PARG: variants seen among roughly 807,000 people sequenced by gnomAD.
PARG encodes poly(ADP-ribose) glycohydrolase, also known as mitochondrial poly(ADP-ribose) glycohydrolase.
In PARG, 35 loss-of-function variants were observed where a neutral mutation model predicts 113.0. That is an observed-to-expected ratio of 0.31 (90% CI 0.24 to 0.41). PARG has a LOEUF of 0.41. PARG is among the 10% of genes least tolerant of loss of function. PARG has a pLI of 1.00. For missense variants in PARG, 797 were observed against 1,169.4 expected (o/e 0.68, Z 4.64); for synonymous variants, 330 against 409.9 (o/e 0.81, Z 2.36).
intron 1 of PARG, among the ~76,000 whole-genome samples, chr10:49,937,383 G>A (rs1838800762): frequency 6.6e-6 from 1 of 151,918 alleles, no homozygotes; most frequent in Non-Finnish European, 1.5e-5. Context: ...GGCTGAGGCA[G>A]GAGAATGGCG....
rs549487582 is a variant in PARG at position 49,824,204 on chromosome 10, T to C, written c.2648-3911A>G. ...TACATAAATGAAATTTCCAGAAAGA[T>C]AATCTCGATCCTAGATACATCAGTA... is the stretch of plus-strand genomic sequence containing the variant. On this transcript the variant is annotated intron_variant, in intron 16 of 17. Coordinates refer to ENST00000616448, the MANE Select transcript of PARG (RefSeq NM_003631.5). 2.6e-5 allele frequency among the ~76,000 whole-genome samples: 4 copies of C among 152,344 alleles called. No homozygotes were observed. The South Asian group carries it at 8.3e-4, about 32-fold the overall frequency.
chr10:49,833,083 T>C, intron 15 of PARG, 175 bp from the exon 16 acceptor site: 1 of 439,298 alleles, frequency 2.3e-6, no homozygotes. Context: ...GAGAAAAACC[T>C]GGGATTATGC....
At position 49,885,226 on chromosome 10, in the gene PARG, A is replaced by T; in HGVS notation, c.1807T>A (p.Cys603Ser). ...ILPDMVKIAL[C>S]LPNICTQPIP... is the part of the protein sequence containing the mutation. ...ACCTGGGTGCAAATATTTGGCAGAC[A>T]GAGTGCAATTTTCACCATATCAGGC... The change falls in exon 8 of 18, where the codon TGT (cysteine) becomes AGT (serine). Residue 603 changes from cysteine to serine, a missense_variant. Coordinates refer to ENST00000616448, the MANE Select transcript of PARG (RefSeq NM_003631.5). The T allele has an allele frequency of 2.5e-6, 4 of 1,597,048 alleles. No individual in the cohort carries two copies. The highest frequency in any genetic ancestry group is 3.4e-6 in the Non-Finnish European group (4 of 1,166,278).
At chr10:49,838,162 G>C (rs1221445689) in intron 15 of PARG, among the ~76,000 whole-genome samples, 4 of 152,184 alleles carry the variant, frequency 2.6e-5, no homozygotes, top group African/African-American at 7.2e-5. Flanking sequence ...TGGGCGCAGT[G>C]CCTCACGCCT....
intron 7 of PARG, among the ~76,000 whole-genome samples, chr10:49,896,850 T>C (rs567090621): frequency 2.6e-5 from 4 of 152,310 alleles, no homozygotes; most frequent in Admixed American, 6.5e-5. Flanking sequence ...CCTCCTCTCT[T>C]ATTTGAGTTT....
At chr10:49,935,608 A>G (rs1838704115) in intron 1 of PARG, among the ~76,000 whole-genome samples, 1 of 152,332 alleles carries the variant, frequency 6.6e-6, no homozygotes, top group East Asian at 1.9e-4. Context: ...TTATTAAAAG[A>G]GGTCCTGATA....
At chr10:49,878,772 G>T (rs1387410581) in intron 9 of PARG, among the ~76,000 whole-genome samples, 1 of 152,006 alleles carries the variant, frequency 6.6e-6, no homozygotes, top group African/African-American at 2.4e-5. Flanking sequence ...CAGGCTCTGG[G>T]TGACCAGAGG....
At chr10:49,936,102 A>G (rs1370550639) in intron 1 of PARG, among the ~76,000 whole-genome samples, 4 of 152,278 alleles carry the variant, frequency 2.6e-5, no homozygotes, top group Admixed American at 1.3e-4. Flanking sequence ...ATATGTGAGT[A>G]GGATGAAGGC....
Position 49,885,251 on chromosome 10 carries a change from C to T in PARG, c.1782G>A (p.Leu594=). Residue 594 remains leucine (L), a synonymous_variant, in exon 8 of 18, where the codon TTG becomes TTA. Coordinates refer to ENST00000616448, the MANE Select transcript of PARG (RefSeq NM_003631.5). The part of the protein sequence containing the change: ...AEAQHLYQSI[L]PDMVKIALCL... Reference sequence around the variant, plus strand: ...AGAGTGCAATTTTCACCATATCAGGCAAGATGGACTGATATAAATGTTGAG... The same window carrying T: ...AGAGTGCAATTTTCACCATATCAGGTAAGATGGACTGATATAAATGTTGAG... 6.2e-7 allele frequency: 1 copy of T among 1,609,782 alleles called. No homozygotes were observed. The highest frequency in any genetic ancestry group is 8.5e-7 in the Non-Finnish European group (1 of 1,177,890).
At chr10:49,929,580 C>A (rs1838386386) in intron 4 of PARG, among the ~76,000 whole-genome samples, 1 of 152,248 alleles carries the variant, frequency 6.6e-6, no homozygotes, top group Admixed American at 6.5e-5. Context: ...GTAATCCCAG[C>A]ACTTTGGAAG....
At position 49,941,687 on chromosome 10, in the gene PARG, T is replaced by A. The variant is rs1589021204; in HGVS notation, c.39A>T (p.Arg13=). The stretch of plus-strand genomic sequence containing the variant: ...AAGTTGTAGCGGCGCCCCAGCGGGG[T>A]CGCTTGGTGCAGGGTTCACAGCCGG... ...AGPGCEPCTK[R]PRWGAATTSP... Residue 13 remains arginine, a synonymous_variant, in exon 1 of 18, where the codon CGA becomes CGT. Transcript: ENST00000616448. 3 of 1,591,114 alleles carry A rather than the reference T, an allele frequency of 1.9e-6. No individual in the cohort carries two copies. The African/African-American group carries it at 4.0e-5, about 21-fold the overall frequency.
intron 14 of PARG, among the ~76,000 whole-genome samples, chr10:49,843,268 C>T (rs1458537222): frequency 2.0e-5 from 3 of 152,182 alleles, no homozygotes; most frequent in Non-Finnish European, 4.4e-5. Context: ...GGAATTTAAC[C>T]TCCACGGTTT....
At chr10:49,856,460 A>C (rs1407687199) in intron 13 of PARG, among the ~76,000 whole-genome samples, 2 of 152,216 alleles carry the variant, frequency 1.3e-5, no homozygotes, top group Admixed American at 6.5e-5. Flanking sequence ...GATTACAGGC[A>C]TGAACTATCG....
intron 14 of PARG, among the ~76,000 whole-genome samples, chr10:49,842,369 G>C (rs1255589889): frequency 2.6e-5 from 4 of 152,168 alleles, no homozygotes; most frequent in Admixed American, 2.0e-4. Context: ...GCAAACAAAA[G>C]GAATCTAGTT....
chr10:49,864,974 T>C (rs549693930), intron 11 of PARG, among the ~76,000 whole-genome samples: 1 of 141,840 alleles, frequency 7.1e-6, no homozygotes, highest in East Asian at 2.0e-4. Flanking sequence ...GTTCAAACAC[T>C]AACCAAAAAA....
intron 13 of PARG, among the ~76,000 whole-genome samples, chr10:49,844,339 C>T (rs577000076): frequency 6.6e-6 from 1 of 150,846 alleles, no homozygotes; most frequent in South Asian, 2.1e-4. Flanking sequence ...GAAGACACTA[C>T]TGGCCAGGTG....
chr10:49,889,505 A>G (rs760786334), intron 7 of PARG, among the ~76,000 whole-genome samples: 4 of 152,098 alleles, frequency 2.6e-5, no homozygotes, highest in Non-Finnish European at 5.9e-5. Flanking sequence ...CTTTACTGAT[A>G]CCACTTTGGT....
At chr10:49,889,059 G>GTTTT (rs61640355) in intron 7 of PARG, among the ~76,000 whole-genome samples, 1 of 143,012 alleles carries the variant, frequency 7.0e-6, no homozygotes, top group African/African-American at 2.6e-5. Flanking sequence ...TCTCTGGATA[G>GTTTT]TTTTTTTTTT....
chr10:49,843,720 T>C, intron 13 of PARG, 88 bp from the exon 14 acceptor site: 1 of 880,278 alleles, frequency 1.1e-6, no homozygotes, highest in South Asian at 1.4e-5. Flanking sequence ...AACTTCTGTT[T>C]AGCACTGTAC....
Sources: gnomAD v4.1 joint callset for allele counts (sites outside exome capture counted in the v4.1 genomes callset) on GRCh38, gnomAD v4.1.1 for gene constraint, MANE v1.5 for transcripts, NCBI Gene and HGNC (gene_info 2026-07-23, HGNC 2026-07-21) for gene names.